Variants in CNTN5 observed in about 807,000 individuals in gnomAD.
The protein encoded by CNTN5 is contactin-5.
Under a neutral mutation model 129.1 loss-of-function variants are expected in CNTN5, and 77 were observed. The ratio of observed to expected loss-of-function variants is 0.60; its 90% CI spans 0.50 to 0.72. The LOEUF (loss-of-function observed/expected upper bound fraction) is 0.72. CNTN5 is among the 30% of genes least tolerant of loss of function. The probability of loss-of-function intolerance (pLI) is 0.00; values close to 1 mark genes in which losing one functional copy is unlikely to be tolerated. For missense variants in CNTN5, 1,478 were observed against 1,328.8 expected (o/e 1.11, Z -1.75); for synonymous variants, 509 against 465.6 (o/e 1.09, Z -1.20).
intron 3 of CNTN5, among the ~76,000 whole-genome samples, chr11:99,797,652 T>C (rs1056798522): frequency 1.3e-5 from 2 of 152,114 alleles, no homozygotes; most frequent in Non-Finnish European, 2.9e-5. Flanking sequence ...TAATCTGTTT[T>C]AAGTACTTAA....
At chr11:99,789,553 C>T (rs942910057) in intron 3 of CNTN5, among the ~76,000 whole-genome samples, 2 of 151,970 alleles carry the variant, frequency 1.3e-5, no homozygotes, top group Admixed American at 1.3e-4. Context: ...ATAATTATCA[C>T]TTAGCTTCCT....
intron 6 of CNTN5, among the ~76,000 whole-genome samples, chr11:99,854,911 A>AGT (rs1947986599): frequency 1.3e-5 from 2 of 152,186 alleles, no homozygotes; most frequent in African/African-American, 4.8e-5. Flanking sequence ...GAAAGAAGCT[A>AGT]GTGAAAGAGA....
chr11:100,279,939 A>G (rs1252882567), intron 18 of CNTN5, among the ~76,000 whole-genome samples: 1 of 134,176 alleles, frequency 7.5e-6, no homozygotes, highest in Admixed American at 7.7e-5. Flanking sequence ...TGATTTAGGC[A>G]CTTATAGCTA....
At chr11:99,248,817 G>A (rs1042750125) in intron 1 of CNTN5, among the ~76,000 whole-genome samples, 3 of 151,962 alleles carry the variant, frequency 2.0e-5, no homozygotes, top group Non-Finnish European at 4.4e-5. Flanking sequence ...CTGTTCCATT[G>A]GTCTGTATCT....
rs1019777573 is a variant in CNTN5 at position 99,848,539 on chromosome 11, A to G, written c.577+3277A>G. ...TTGTTAAACATTTATTAAATATTGA[A>G]TATGAGTCTTAAATTTATTAAATGT... On this transcript the variant is annotated intron_variant, in intron 6 of 24. Transcript: ENST00000524871. Among the ~76,000 whole-genome samples the G allele has an allele frequency of 6.6e-5, 10 of 152,278 alleles. 1 individual carries two copies. In the South Asian group the frequency reaches 1.9e-3, roughly 28 times the overall value.
intron 1 of CNTN5, among the ~76,000 whole-genome samples, chr11:99,318,006 A>G (rs1320412850): frequency 6.6e-6 from 1 of 152,196 alleles, no homozygotes; most frequent in Non-Finnish European, 1.5e-5. Flanking sequence ...TCCTAGACTG[A>G]AAACTCTGTT....
intron 20 of CNTN5, among the ~76,000 whole-genome samples, chr11:100,304,094 G>C (rs1411586053): frequency 1.3e-5 from 2 of 151,526 alleles, no homozygotes; most frequent in Non-Finnish European, 3.0e-5. Context: ...CCAGCTGCTA[G>C]GTCACTTAAT....
chr11:99,772,482 T>C (rs1944979829), intron 3 of CNTN5, among the ~76,000 whole-genome samples: 1 of 152,054 alleles, frequency 6.6e-6, no homozygotes, highest in African/African-American at 2.4e-5. Flanking sequence ...AAAATCCCCA[T>C]TGATTTTTAG....
chr11:99,999,207 G>C (rs1033313190), intron 8 of CNTN5, among the ~76,000 whole-genome samples: 143 of 152,188 alleles, frequency 9.4e-4, no homozygotes, highest in African/African-American at 3.3e-3. Flanking sequence ...ACTACCATCA[G>C]AGTGAACAGG....
intron 2 of CNTN5, among the ~76,000 whole-genome samples, chr11:99,376,738 C>A (rs1292559253): frequency 1.3e-5 from 2 of 152,124 alleles, no homozygotes; most frequent in Non-Finnish European, 2.9e-5. Context: ...AGGTACTGAA[C>A]TGAGATTGAT....
intron 13 of CNTN5, among the ~76,000 whole-genome samples, chr11:100,147,133 T>A (rs1183037768): frequency 4.6e-5 from 7 of 152,156 alleles, no homozygotes; most frequent in African/African-American, 1.7e-4. Flanking sequence ...TGGTTTCATC[T>A]TTCTGTTACC....
chr11:100,246,682 A>G (rs111911863), intron 16 of CNTN5, among the ~76,000 whole-genome samples: 1,542 of 152,302 alleles, frequency 0.01, 29 homozygotes, highest in African/African-American at 0.035. Flanking sequence ...GCAGCATAAT[A>G]TAATCCTATT....
chr11:99,921,360 C>T (rs1410229376), intron 7 of CNTN5, among the ~76,000 whole-genome samples: 1 of 152,152 alleles, frequency 6.6e-6, no homozygotes, highest in East Asian at 1.9e-4. Flanking sequence ...CAAGCTCCTA[C>T]CTTAAGGCCT....
chr11:100,089,177 G>T (rs1944660964), intron 13 of CNTN5, among the ~76,000 whole-genome samples: 1 of 151,998 alleles, frequency 6.6e-6, no homozygotes, highest in Non-Finnish European at 1.5e-5. Flanking sequence ...TTTTAATGGG[G>T]TTGTTTGTTT....
intron 1 of CNTN5, among the ~76,000 whole-genome samples, chr11:99,056,283 T>C (rs552718136): frequency 6.6e-6 from 1 of 152,100 alleles, no homozygotes; most frequent in East Asian, 1.9e-4. Flanking sequence ...AGTGGAAATA[T>C]TGGTACTAAA....
At chr11:99,833,265 G>C (rs931814516) in intron 4 of CNTN5, among the ~76,000 whole-genome samples, 1 of 152,054 alleles carries the variant, frequency 6.6e-6, no homozygotes, top group African/African-American at 2.4e-5. Context: ...CTTGATCCTA[G>C]GACAGGACTC....
intron 13 of CNTN5, among the ~76,000 whole-genome samples, chr11:100,100,479 AT>A (rs1246654495): frequency 6.6e-6 from 1 of 152,076 alleles, no homozygotes; most frequent in African/African-American, 2.4e-5. Flanking sequence ...CATAGAACCC[AT>A]TCTTTTATAT....
intron 3 of CNTN5, among the ~76,000 whole-genome samples, chr11:99,598,499 T>G (rs907221123): frequency 1.5e-4 from 22 of 149,040 alleles, no homozygotes; most frequent in African/African-American, 5.4e-4. Flanking sequence ...CCTTCCTTTC[T>G]TTGTCTCTTT....
chr11:99,650,598 A>C (rs1952118723), intron 3 of CNTN5, among the ~76,000 whole-genome samples: 1 of 149,924 alleles, frequency 6.7e-6, no homozygotes, highest in Non-Finnish European at 1.5e-5. Flanking sequence ...CCTGTGATAA[A>C]AGTTTTCTTA....
Sources: allele counts gnomAD v4.1 joint callset (sites outside exome capture counted in the v4.1 genomes callset), GRCh38; gene constraint gnomAD v4.1.1; transcripts MANE v1.5; gene names NCBI Gene and HGNC (gene_info 2026-07-23, HGNC 2026-07-21).